ELAPOR1: variants seen among roughly 807,000 people sequenced by gnomAD.
The protein encoded by ELAPOR1 is endosome/lysosome-associated apoptosis and autophagy regulator 1.
A neutral mutation model predicts 119.7 loss-of-function variants in ELAPOR1; 77 were observed. The observed-to-expected ratio is 0.64, with a 90% CI of 0.54 to 0.78. ELAPOR1 has a LOEUF of 0.78. Ranked by LOEUF, ELAPOR1 falls within the 30% of genes least tolerant of loss-of-function variation. The pLI is 0.00. For synonymous variants in ELAPOR1, 481 were observed against 487.2 expected (o/e 0.99, Z 0.17); for missense variants, 1,115 against 1,270.4 (o/e 0.88, Z 1.86).
At position 109,185,127 on chromosome 1, in the gene ELAPOR1, C is replaced by T. The variant is rs1009470100; in HGVS notation, c.1035C>T (p.Asn345=). ...YFYTHTACDA[N]GETQLMYKWA... is the part of the protein sequence containing the mutation. Reference sequence around the variant, plus strand: ...ACACACACACGGCCTGCGATGCCAACGGAGAGGTGGGTAGTACAGTCTTGG... The same window carrying T: ...ACACACACACGGCCTGCGATGCCAATGGAGAGGTGGGTAGTACAGTCTTGG... The change falls in exon 8 of 22, where the codon AAC becomes AAT. Residue 345 remains asparagine (N), a synonymous_variant. Coordinates refer to ENST00000369939, the MANE Select transcript of ELAPOR1 (RefSeq NM_020775.5). 5.0e-6 allele frequency: 8 copies of T among 1,613,120 alleles called. No individual in the cohort carries two copies. The highest frequency in any genetic ancestry group is 2.7e-5 in the African/African-American group (2 of 74,902).
chr1:109,164,592 G>A lies in ELAPOR1; in HGVS notation c.368G>A (p.Arg123Gln), dbSNP rs144983898. ...CGCTACTCCCTCGGCACAGGCATTC[G>A]GTTTGATGAGTGGGATGAGCTGCCC... ...EGRYSLGTGI[R>Q]FDEWDELPHG... The change falls in exon 3 of 22, where the codon CGG (arginine) becomes CAG (glutamine). Residue 123 changes from arginine to glutamine, a missense_variant. Physicochemically the swap from Arg to Gln is conservative, Grantham distance 43. Coordinates refer to ENST00000369939, the MANE Select transcript of ELAPOR1 (RefSeq NM_020775.5). The A allele has an allele frequency of 1.3e-3, 2,151 of 1,614,226 alleles. 3 individuals carry two copies. The highest frequency in any genetic ancestry group is 1.7e-3 in the Non-Finnish European group (1,959 of 1,180,026).
intron 18 of ELAPOR1, 85 bp downstream of exon 18, chr1:109,198,759 GC>G: frequency 1.6e-6 from 2 of 1,238,554 alleles, no homozygotes; most frequent in Non-Finnish European, 2.3e-6. Flanking sequence ...CTGAAAAAGA[GC>G]AAAAAAGAAA....
intron 1 of ELAPOR1, among the ~76,000 whole-genome samples, chr1:109,141,091 A>G (rs530042367): frequency 8.5e-4 from 130 of 152,232 alleles, no homozygotes; most frequent in African/African-American, 2.9e-3. Flanking sequence ...ATCTCAGGCA[A>G]TCCGCCTACC....
chr1:109,126,433 A>G (rs1648782615), intron 1 of ELAPOR1, among the ~76,000 whole-genome samples: 1 of 152,170 alleles, frequency 6.6e-6, no homozygotes, highest in Non-Finnish European at 1.5e-5. Flanking sequence ...GAAAATAAAA[A>G]TTTATCCCAA....
intron 11 of ELAPOR1, among the ~76,000 whole-genome samples, chr1:109,190,608 G>T (rs1653371516): frequency 6.6e-6 from 1 of 152,192 alleles, no homozygotes; most frequent in South Asian, 2.1e-4. Context: ...ATTACTCAGA[G>T]CTAGCCAGAT....
chr1:109,133,703 G>T (rs1429073914), intron 1 of ELAPOR1, among the ~76,000 whole-genome samples: 2 of 152,160 alleles, frequency 1.3e-5, no homozygotes, highest in Non-Finnish European at 2.9e-5. Flanking sequence ...GAATAGCAGG[G>T]GATATGTTTA....
chr1:109,133,957 G>C (rs566919002), intron 1 of ELAPOR1, among the ~76,000 whole-genome samples: 1 of 152,328 alleles, frequency 6.6e-6, no homozygotes, highest in Non-Finnish European at 1.5e-5. Flanking sequence ...TTGGCAAAGT[G>C]TGAGGTGCTA....
At chr1:109,178,451 C>G (rs760789162) in intron 7 of ELAPOR1, among the ~76,000 whole-genome samples, 5 of 152,178 alleles carry the variant, frequency 3.3e-5, no homozygotes, top group Non-Finnish European at 5.9e-5. Context: ...CAGGGAGACT[C>G]TGATGATAGC....
chr1:109,137,877 A>G (rs993355010), intron 1 of ELAPOR1, among the ~76,000 whole-genome samples: 1 of 152,234 alleles, frequency 6.6e-6, no homozygotes, highest in Non-Finnish European at 1.5e-5. Context: ...TCAATCCAAA[A>G]AGTATAAAGG....
chr1:109,182,846 A>C (rs961411738), intron 7 of ELAPOR1, among the ~76,000 whole-genome samples: 6 of 141,996 alleles, frequency 4.2e-5, no homozygotes, highest in African/African-American at 1.6e-4. Flanking sequence ...CAGCCTGGGC[A>C]ACAGAGCAAG....
rs760238057 is a variant in ELAPOR1, at chr1:109,173,552, G to C, written c.775G>C (p.Val259Leu). 25 of 1,614,094 alleles carry C rather than the reference G, an allele frequency of 1.5e-5. No individual in the cohort carries two copies. The South Asian group carries it at 2.7e-4, about 18-fold the overall frequency. ...FSVWTKVPKP[V>L]LVRNIAITGV... is the part of the protein sequence containing the mutation. The stretch of plus-strand genomic sequence containing the variant: ...AGTATGGACCAAAGTACCCAAGCCT[G>C]TGCTGGTGAGAAACATTGCCATAAC... The change falls in exon 6 of 22, where the codon GTG (valine) becomes CTG (leucine). Residue 259 changes from valine (V) to leucine (L), a missense_variant. Val to Leu is a conservative substitution (Grantham distance 32). Coordinates refer to ENST00000369939, the MANE Select transcript of ELAPOR1 (RefSeq NM_020775.5).
chr1:109,162,443 G>A (rs1311782622), intron 2 of ELAPOR1, among the ~76,000 whole-genome samples: 3 of 152,172 alleles, frequency 2.0e-5, no homozygotes, highest in East Asian at 3.8e-4. Flanking sequence ...CTGCAGAGAC[G>A]TCCTTTAAAA....
intron 7 of ELAPOR1, among the ~76,000 whole-genome samples, chr1:109,177,062 C>G (rs1311672438): frequency 6.3e-5 from 9 of 143,898 alleles, no homozygotes; most frequent in Non-Finnish European, 6.0e-5. Context: ...ACCTTTCCCC[C>G]CTTTCTATTC....
At chr1:109,139,886 C>A (rs960003944) in intron 1 of ELAPOR1, among the ~76,000 whole-genome samples, 1 of 152,216 alleles carries the variant, frequency 6.6e-6, no homozygotes, top group African/African-American at 2.4e-5. Context: ...ATACTCCCAC[C>A]TTACCCTCCC....
chr1:109,147,260 A>G (rs1352751634), intron 1 of ELAPOR1, among the ~76,000 whole-genome samples: 1 of 152,080 alleles, frequency 6.6e-6, no homozygotes, highest in Admixed American at 6.6e-5. Context: ...ACAATTAAAC[A>G]GTTAGTCTAA....
At chr1:109,181,376 A>G (rs1394246072) in intron 7 of ELAPOR1, among the ~76,000 whole-genome samples, 1 of 152,170 alleles carries the variant, frequency 6.6e-6, no homozygotes, top group Non-Finnish European at 1.5e-5. Flanking sequence ...TCACTCCCTC[A>G]ACCAAACACA....
At chr1:109,121,122 T>C (rs1432192772) in intron 1 of ELAPOR1, among the ~76,000 whole-genome samples, 1 of 152,154 alleles carries the variant, frequency 6.6e-6, no homozygotes, top group African/African-American at 2.4e-5. Context: ...TTTGGTCCCT[T>C]TTTGCATTCT....
rs988895941 is a variant in ELAPOR1 at position 109,173,499 on chromosome 1, T to G, written c.722T>G (p.Val241Gly). The G allele has an allele frequency of 9.3e-6, 15 of 1,614,142 alleles. No individual in the cohort carries two copies. The highest frequency in any genetic ancestry group is 1.3e-5 in the Non-Finnish European group (15 of 1,179,998). Residue 241 changes from valine to glycine, a missense_variant, in exon 6 of 22, where the codon GTC becomes GGC. Val to Gly is a moderately radical substitution (Grantham distance 109). Coordinates refer to ENST00000369939, the MANE Select transcript of ELAPOR1 (RefSeq NM_020775.5). ...HSVELNRGNN[V>G]LYWRTTAFSV... ...GTGGAGCTAAATCGAGGCAATAATG[T>G]CCTCTATTGGAGAACCACAGCCTTC...
intron 4 of ELAPOR1, 119 bp from the exon 5 acceptor site, chr1:109,172,369 G>A: frequency 1.4e-6 from 1 of 724,516 alleles, no homozygotes; most frequent in African/African-American, 1.8e-5. Context: ...AATCCCTAAA[G>A]GAAATTGGCA....
Sources: gnomAD v4.1 joint callset for allele counts (sites outside exome capture counted in the v4.1 genomes callset) on GRCh38, gnomAD v4.1.1 for gene constraint, MANE v1.5 for transcripts, NCBI Gene and HGNC (gene_info 2026-07-23, HGNC 2026-07-21) for gene names.